Variants in ZWINT observed in about 807,000 individuals in gnomAD.
ZWINT encodes outer kinetochore KNL1 complex subunit ZWINT.
A neutral mutation model predicts 41.5 loss-of-function variants in ZWINT; 41 were observed. The observed-to-expected ratio is 0.99, with a 90% CI of 0.77 to 1.28. The LOEUF (loss-of-function observed/expected upper bound fraction) is 1.28. Ranked by LOEUF, ZWINT falls within the 50% of genes most tolerant of loss-of-function variation. The probability of loss-of-function intolerance (pLI) is 0.00; values close to 1 mark genes in which losing one functional copy is unlikely to be tolerated. For synonymous variants in ZWINT, 132 were observed against 126.8 expected, an observed-to-expected ratio of 1.04 and a Z score of -0.28; for missense variants, 369 against 329.7, an observed-to-expected ratio of 1.12 and a Z score of -0.92.
upstream of ZWINT, chr10:56,361,266 C>G: frequency 6.2e-7 from 1 of 1,607,226 alleles, no homozygotes; most frequent in South Asian, 1.1e-5. Context: ...AGCTGCCTTC[C>G]CACAATCCCT....
At chr10:56,360,482 T>A in intron 1 of ZWINT, 99 bp from the exon 2 acceptor site, 1 of 966,662 alleles carries the variant, frequency 1.0e-6, no homozygotes, top group Non-Finnish European at 1.6e-6. Context: ...TATATCAGTA[T>A]ATATAGTATT....
rs1441099190 is a variant in ZWINT, at chr10:56,359,700, T to C, written c.410A>G (p.Gln137Arg). The C allele has an allele frequency of 1.2e-6, 2 of 1,614,174 alleles. No homozygotes were observed. The highest frequency in any genetic ancestry group is 8.5e-7 in the Non-Finnish European group (1 of 1,180,036). The change falls in exon 4 of 9, where the codon CAG (glutamine) becomes CGG (arginine). Residue 137 changes from glutamine (Q) to arginine (R), a missense_variant. Coordinates refer to ENST00000373944, the MANE Select transcript of ZWINT (RefSeq NM_007057.4). ...CCCTGGGTGTACCTTGGCCTGGAGCTGCTCAAAGGCTTCCCGGAGTTGTGT... is the reference window on the plus strand; with the variant it reads ...CCCTGGGTGTACCTTGGCCTGGAGCCGCTCAAAGGCTTCCCGGAGTTGTGT... The part of the protein sequence containing the change: ...KRTQLREAFE[Q>R]LQAKKQMAME...
intron 3 of ZWINT, 46 bp from the exon 4 acceptor site, chr10:56,359,899 C>T (rs753458427): frequency 2.5e-6 from 4 of 1,607,520 alleles, no homozygotes; most frequent in Non-Finnish European, 3.4e-6. Flanking sequence ...GGGTGGCCTG[C>T]TAGCCTGCCT....
intron 5 of ZWINT, 136 bp from the exon 6 acceptor site, chr10:56,359,083 G>T: frequency 9.1e-7 from 1 of 1,095,988 alleles, no homozygotes; most frequent in Non-Finnish European, 1.3e-6. Flanking sequence ...CTTCAGGGTG[G>T]AGTAGGGGCC....
chr10:56,359,706 A>G lies in ZWINT; in HGVS notation c.404T>C (p.Phe135Ser). ...GTGTACCTTGGCCTGGAGCTGCTCA[A>G]AGGCTTCCCGGAGTTGTGTCCGTTT... is the stretch of plus-strand genomic sequence containing the variant. ...QRKRTQLREA[F>S]EQLQAKKQMA... The change falls in exon 4 of 9, where the codon TTT becomes TCT. Residue 135 changes from phenylalanine (F) to serine (S), a missense_variant. Phe to Ser is a radical substitution (Grantham distance 155). Transcript: ENST00000373944. The G allele has an allele frequency of 6.2e-7, 1 of 1,614,110 alleles. No homozygotes were observed. The highest frequency in any genetic ancestry group is 8.5e-7 in the Non-Finnish European group (1 of 1,180,014).
chr10:56,358,897 A>C lies in ZWINT; in HGVS notation c.531T>G (p.Arg177=). 6.2e-7 allele frequency: 1 copy of C among 1,614,042 alleles called. No individual in the cohort carries two copies. The change falls in exon 6 of 9, where the codon CGT becomes CGG. Residue 177 remains arginine (R), a synonymous_variant. Coordinates refer to ENST00000373944, the MANE Select transcript of ZWINT (RefSeq NM_007057.4). ...LAEVSAEVRE[R]KTGTQQELDR... Reference sequence around the variant, plus strand: ...CAAGCTCCTGCTGAGTCCCTGTCTTACGCTCCCTCACCTCTGCAGAAACCT... The same window carrying C: ...CAAGCTCCTGCTGAGTCCCTGTCTTCCGCTCCCTCACCTCTGCAGAAACCT...
rs370677108 is a variant in ZWINT at position 56,358,808 on chromosome 10, T to C, written c.620A>G (p.Gln207Arg). ...QQAEQERDKLQRYQTFLQLLY... is the reference protein window; with the variant it reads ...QQAEQERDKLRRYQTFLQLLY... ...CAGCCCATGCTCCCGAACTTACCTC[T>C]GCAGCTTGTCCCGCTCCTGTTCTGC... Residue 207 changes from glutamine (Q) to arginine (R), a missense_variant, in exon 6 of 9, where the codon CAG becomes CGG. Gln to Arg is a conservative substitution (Grantham distance 43, BLOSUM62 1). Coordinates refer to ENST00000373944, the MANE Select transcript of ZWINT (RefSeq NM_007057.4). The C allele has an allele frequency of 6.1e-5, 98 of 1,613,980 alleles. No individual in the cohort carries two copies. In the Middle Eastern group the frequency reaches 8.2e-4, roughly 14 times the overall value.
intron 3 of ZWINT, 81 bp downstream of exon 3, chr10:56,359,937 C>T: frequency 1.2e-6 from 2 of 1,604,896 alleles, no homozygotes; most frequent in Non-Finnish European, 1.7e-6. Flanking sequence ...TCCTTCCCAT[C>T]AGCCAAATGG....
chr10:56,360,468 T>C, intron 1 of ZWINT, 85 bp from the exon 2 acceptor site: 1 of 1,105,062 alleles, frequency 9.0e-7, no homozygotes, highest in South Asian at 1.4e-5. Flanking sequence ...CAAATGTGGA[T>C]GTGTATATCA....
chr10:56,360,930 A>G (rs535234906), intron 1 of ZWINT, among the ~76,000 whole-genome samples: 1 of 152,060 alleles, frequency 6.6e-6, no homozygotes, highest in East Asian at 1.9e-4. Context: ...TGTTGGGACA[A>G]GAAGACAGAA....
At position 56,357,513 on chromosome 10, in the gene ZWINT, T is replaced by TA. The variant is rs1288120910; in HGVS notation, c.*713dup. 2.0e-5 allele frequency: 3 copies of TA among 152,852 alleles called. No homozygotes were observed. Among genetic ancestry groups the TA allele is most frequent in the Admixed American group, 1.9e-4 (3 of 15,400 alleles). The allele number at this position is 152,852 out of a possible 1,614,324, so 9.5% of individuals were successfully genotyped here. A position where few individuals can be genotyped will look rare whatever the true frequency, so the allele number is the denominator to read the frequency against. On this transcript the variant is annotated 3_prime_UTR_variant, in exon 9 of 9. Coordinates refer to ENST00000373944, the MANE Select transcript of ZWINT (RefSeq NM_007057.4). ...ACGTGAGTTGATCATCTGATAAAAG[T>TA]AAGAGTTGACAAAAAAGGTACATCT...
chr10:56,360,358 A>C lies in ZWINT; in HGVS notation c.67T>G (p.Leu23Val). 1 of 1,614,194 alleles carries C rather than the reference A, an allele frequency of 6.2e-7. No homozygotes were observed. The highest frequency in any genetic ancestry group is 1.1e-5 in the South Asian group (1 of 91,084). The change falls in exon 2 of 9, where the codon TTG (leucine) becomes GTG (valine). Residue 23 changes from leucine to valine, a missense_variant. Leu to Val is a conservative substitution (Grantham distance 32). Transcript: ENST00000373944. The part of the protein sequence containing the change: ...LEVLAEVAGI[L>V]EPVGLQEEAE... ...TCCTCCTGCAGGCCTACAGGTTCCA[A>C]GATGCCTGCCACCTCAGCCAGGACC...
At position 56,360,260 on chromosome 10, in the gene ZWINT, C is replaced by A. The variant is rs535731982; in HGVS notation, c.132+33G>T. 128 of 1,613,072 alleles carry A rather than the reference C, an allele frequency of 7.9e-5. 1 individual carries two copies. In the Admixed American group the frequency reaches 2.1e-3, roughly 27 times the overall value. ...AAGAGGAGCCAGGACCAGACCCTGG[C>A]TTCTGAAAGGCTCGCTCTCATCTTG... On this transcript the variant is annotated intron_variant, in intron 2 of 8. Transcript: ENST00000373944.
rs1838223057 is a variant in ZWINT at position 56,358,401 on chromosome 10, T to C, written c.*17A>G. On this transcript the variant is annotated 3_prime_UTR_variant, in exon 8 of 9. Transcript: ENST00000373944. The stretch of plus-strand genomic sequence containing the variant: ...CCTTTTCTAGGATCTTTCTCCATGC[T>C]GCTGTCCTCCAGGAAGTCATGGCAA... 3 of 1,614,016 alleles carry C rather than the reference T, an allele frequency of 1.9e-6. No homozygotes were observed. The highest frequency in any genetic ancestry group is 2.2e-5 in the South Asian group (2 of 91,078).
chr10:56,359,457 C>T lies in ZWINT; in HGVS notation c.480+19G>A. The T allele has an allele frequency of 1.3e-6, 2 of 1,524,472 alleles. No individual in the cohort carries two copies. Among genetic ancestry groups the T allele is most frequent in the South Asian group, 2.7e-5 (2 of 74,846 alleles). The allele number at this position is 1,524,472 out of a possible 1,614,324, so 94.4% of individuals were successfully genotyped here. A position where few individuals can be genotyped will look rare whatever the true frequency, so the allele number is the denominator to read the frequency against. ...GCATGGTGGTGGGAAGGGATATTCT[C>T]CTAGGGGGACGAACCTACCTGTTGT... On this transcript the variant is annotated intron_variant, in intron 5 of 8. Coordinates refer to ENST00000373944, the MANE Select transcript of ZWINT (RefSeq NM_007057.4).
intron 1 of ZWINT, among the ~76,000 whole-genome samples, 184 bp downstream of exon 1, chr10:56,361,012 C>T (rs1390184239): frequency 6.6e-6 from 1 of 152,112 alleles, no homozygotes; most frequent in African/African-American, 2.4e-5. Context: ...CCCCCAAAGG[C>T]TGTACTCCTG....
intron 1 of ZWINT, 115 bp downstream of exon 1, chr10:56,361,081 G>C: frequency 8.5e-7 from 1 of 1,177,266 alleles, no homozygotes; most frequent in East Asian, 2.5e-5. Flanking sequence ...ATCACTTCAC[G>C]GCAGGGTCGA....
intron 5 of ZWINT, among the ~76,000 whole-genome samples, 157 bp downstream of exon 5, chr10:56,359,319 T>C (rs1234528924): frequency 1.3e-5 from 2 of 152,190 alleles, no homozygotes; most frequent in African/African-American, 4.8e-5. Flanking sequence ...CCCAAGATCA[T>C]GCAGTGGTAA....
chr10:56,360,424 G>T, intron 1 of ZWINT, 41 bp from the exon 2 acceptor site: 1 of 1,552,500 alleles, frequency 6.4e-7, no homozygotes, highest in Non-Finnish European at 8.9e-7. Context: ...AGTTTCTTGT[G>T]GTGCTAGTTC....
Sources: gnomAD v4.1 joint callset for allele counts (sites outside exome capture counted in the v4.1 genomes callset) on GRCh38, gnomAD v4.1.1 for gene constraint, MANE v1.5 for transcripts, NCBI Gene and HGNC (gene_info 2026-07-23, HGNC 2026-07-21) for gene names.